The following PTPRM variants were observed in gnomAD, a reference collection of about 807,000 sequenced individuals.
The protein encoded by PTPRM is protein tyrosine phosphatase receptor type M.
A neutral mutation model predicts 186.7 loss-of-function variants in PTPRM; 47 were observed. The observed-to-expected ratio is 0.25, with a 90% CI of 0.20 to 0.32. The LOEUF is 0.32. PTPRM is among the 10% of genes least tolerant of loss of function. PTPRM has a pLI of 1.00. For synonymous variants in PTPRM, 668 were observed against 674.9 expected (o/e 0.99, Z 0.16); for missense variants, 1,494 against 1,865.0 (o/e 0.80, Z 3.66).
rs560477398 is a variant in PTPRM, at chr18:8,137,984, C to T, written c.2168-5663C>T. On this transcript the variant is annotated intron_variant, in intron 13 of 32. Coordinates refer to ENST00000580170, the MANE Select transcript of PTPRM (RefSeq NM_001105244.2). ...TCCCCTGCAGAGCCTTGTTCCAGTACCTTGAGCACAAAACGTACTAAATAA... is the reference window on the plus strand; with the variant it reads ...TCCCCTGCAGAGCCTTGTTCCAGTATCTTGAGCACAAAACGTACTAAATAA... 8.5e-5 allele frequency among the ~76,000 whole-genome samples: 13 copies of T among 152,256 alleles called. No homozygotes were observed. In the South Asian group the frequency reaches 2.5e-3, roughly 29 times the overall value.
At chr18:8,143,211 T>C (rs2092804188) in intron 13 of PTPRM, among the ~76,000 whole-genome samples, 1 of 152,214 alleles carries the variant, frequency 6.6e-6, no homozygotes, top group African/African-American at 2.4e-5. Context: ...TTTGGACTAA[T>C]ATGTTATGGA....
chr18:7,697,262 C>A (rs1034077476), intron 1 of PTPRM, among the ~76,000 whole-genome samples: 3 of 152,120 alleles, frequency 2.0e-5, no homozygotes, highest in African/African-American at 7.2e-5. Flanking sequence ...CAAAATTGTG[C>A]CCATCACCCA....
chr18:8,368,760 C>G (rs1465294503), intron 23 of PTPRM, among the ~76,000 whole-genome samples: 2 of 152,186 alleles, frequency 1.3e-5, no homozygotes, highest in Non-Finnish European at 2.9e-5. Flanking sequence ...TGGGACTTTC[C>G]TTCCTACACT....
At chr18:7,870,997 G>T (rs916656196) in intron 2 of PTPRM, among the ~76,000 whole-genome samples, 3 of 152,218 alleles carry the variant, frequency 2.0e-5, no homozygotes, top group African/African-American at 7.2e-5. Context: ...ACTTAAGGCA[G>T]CAATGCAGCT....
chr18:8,042,082 G>A (rs1199316968), intron 7 of PTPRM, among the ~76,000 whole-genome samples: 3 of 152,206 alleles, frequency 2.0e-5, no homozygotes, highest in African/African-American at 7.2e-5. Context: ...TCAGGCTGTA[G>A]TCTTGTTTTG....
intron 1 of PTPRM, among the ~76,000 whole-genome samples, chr18:7,683,981 T>G (rs2039538298): frequency 6.6e-6 from 1 of 152,188 alleles, no homozygotes; most frequent in Non-Finnish European, 1.5e-5. Context: ...GCTATCTGCC[T>G]GCCTTTTCCT....
intron 2 of PTPRM, among the ~76,000 whole-genome samples, chr18:7,833,051 G>A (rs1040818308): frequency 3.3e-5 from 5 of 151,996 alleles, no homozygotes; most frequent in Non-Finnish European, 5.9e-5. Flanking sequence ...GTCAGGTAAT[G>A]TGCTTCCTCC....
chr18:8,084,155 G>A (rs1418068012), intron 9 of PTPRM, among the ~76,000 whole-genome samples: 1 of 152,112 alleles, frequency 6.6e-6, no homozygotes, highest in African/African-American at 2.4e-5. Flanking sequence ...CACCATGCAA[G>A]ACCCCAGCTC....
intron 1 of PTPRM, among the ~76,000 whole-genome samples, chr18:7,710,148 C>G (rs1003290535): frequency 6.6e-6 from 1 of 152,056 alleles, no homozygotes; most frequent in Non-Finnish European, 1.5e-5. Context: ...AAATTCTCAA[C>G]AAAATAACAG....
rs528015974 is a variant in PTPRM, at chr18:7,729,284, G to C, written c.74-44865G>C. ...TGTACATCAAGGTAATAAATAAATG[G>C]TCCTCACTTATGGCTTAACTTTATT... On this transcript the variant is annotated intron_variant, in intron 1 of 32. Coordinates refer to ENST00000580170, the MANE Select transcript of PTPRM (RefSeq NM_001105244.2). 2.6e-5 allele frequency among the ~76,000 whole-genome samples: 4 copies of C among 152,180 alleles called. No individual in the cohort carries two copies. In the South Asian group the frequency reaches 8.3e-4, roughly 32 times the overall value.
At chr18:8,260,496 G>A (rs1250657719) in intron 19 of PTPRM, among the ~76,000 whole-genome samples, 1 of 152,014 alleles carries the variant, frequency 6.6e-6, no homozygotes, top group Non-Finnish European at 1.5e-5. Flanking sequence ...TGGTAACTAA[G>A]CCAGTTTTGC....
chr18:7,704,315 G>A (rs569629533), intron 1 of PTPRM, among the ~76,000 whole-genome samples: 10 of 152,216 alleles, frequency 6.6e-5, no homozygotes, highest in Middle Eastern at 3.4e-3. Context: ...GCTATTTTTG[G>A]TTGGTAGGCT....
At chr18:7,865,679 T>C (rs1484231730) in intron 2 of PTPRM, among the ~76,000 whole-genome samples, 1 of 152,222 alleles carries the variant, frequency 6.6e-6, no homozygotes, top group African/African-American at 2.4e-5. Context: ...GGTTTTGGTA[T>C]CAGGATGATG....
intron 20 of PTPRM, 50 bp downstream of exon 20, chr18:8,296,505 CT>C (rs762860471): frequency 1.5e-6 from 2 of 1,377,724 alleles, no homozygotes; most frequent in Admixed American, 3.4e-5. Context: ...CTTTTTGCAT[CT>C]AGTAAGATTG....
chr18:8,206,074 G>A (rs1176647060), intron 14 of PTPRM, among the ~76,000 whole-genome samples: 1 of 152,036 alleles, frequency 6.6e-6, no homozygotes, highest in Non-Finnish European at 1.5e-5. Context: ...TTGCTTTGGA[G>A]TTGAGCGAAA....
intron 1 of PTPRM, among the ~76,000 whole-genome samples, chr18:7,583,593 GC>G (rs1218780352): frequency 2.0e-5 from 3 of 152,208 alleles, no homozygotes; most frequent in Non-Finnish European, 2.9e-5. Context: ...CTATTTTACA[GC>G]CCTCTGAAAT....
At chr18:7,886,949 A>G (rs530724841) in intron 2 of PTPRM, among the ~76,000 whole-genome samples, 1 of 152,344 alleles carries the variant, frequency 6.6e-6, no homozygotes, top group African/African-American at 2.4e-5. Context: ...TGTAAACAAG[A>G]CAGAAATTCC....
At chr18:7,981,182 C>G (rs1348110918) in intron 7 of PTPRM, among the ~76,000 whole-genome samples, 1 of 152,160 alleles carries the variant, frequency 6.6e-6, no homozygotes, top group Non-Finnish European at 1.5e-5. Context: ...ACCAACCCCA[C>G]CTTCACTCTC....
At chr18:7,664,903 T>C (rs968101145) in intron 1 of PTPRM, among the ~76,000 whole-genome samples, 1 of 152,060 alleles carries the variant, frequency 6.6e-6, no homozygotes, top group African/African-American at 2.4e-5. Context: ...ATGTAGAAGT[T>C]TGTGGGGGAA....
Sources: gnomAD v4.1 joint callset for allele counts (sites outside exome capture counted in the v4.1 genomes callset) on GRCh38, gnomAD v4.1.1 for gene constraint, MANE v1.5 for transcripts, NCBI Gene and HGNC (gene_info 2026-07-23, HGNC 2026-07-21) for gene names.